PIKFYVE: variants seen among roughly 807,000 people sequenced by gnomAD.
PIKFYVE encodes the protein 1-phosphatidylinositol 3-phosphate 5-kinase.
A neutral mutation model predicts 257.9 loss-of-function variants in PIKFYVE; 122 were observed. The observed-to-expected ratio is 0.47, with a 90% confidence interval of 0.41 to 0.55. PIKFYVE has a LOEUF of 0.55. Ranked by LOEUF, PIKFYVE falls within the 20% of genes least tolerant of loss-of-function variation. PIKFYVE has a pLI of 0.00. For synonymous variants in PIKFYVE, 892 were observed against 868.9 expected, an observed-to-expected ratio of 1.03 and a Z score of -0.47; for missense variants, 2,160 against 2,536.6, an observed-to-expected ratio of 0.85 and a Z score of 3.19.
Position 208,285,788 on chromosome 2 carries a change from A to G in PIKFYVE, c.676A>G (p.Ser226Gly). 5.0e-6 allele frequency: 8 copies of G among 1,614,068 alleles called. No homozygotes were observed. Among genetic ancestry groups the G allele is most frequent in the Non-Finnish European group, 6.8e-6 (8 of 1,179,968 alleles). The change falls in exon 6 of 42, where the codon AGT becomes GGT. Residue 226 changes from serine (S) to glycine (G), a missense_variant. Ser to Gly is a moderately conservative substitution (Grantham distance 56, BLOSUM62 0). Coordinates refer to ENST00000264380, the MANE Select transcript of PIKFYVE (RefSeq NM_015040.4). ...CTTAAGTTATGCTCATTCCACAGACAGTAATTCTATTGGGGAAGACTTGAA... is the reference window on the plus strand; with the variant it reads ...CTTAAGTTATGCTCATTCCACAGACGGTAATTCTATTGGGGAAGACTTGAA... ...IALSYAHSTDSNSIGEDLNAL... is the reference protein window; with the variant it reads ...IALSYAHSTDGNSIGEDLNAL...
At chr2:208,268,336 C>T (rs1232286565) in intron 1 of PIKFYVE, among the ~76,000 whole-genome samples, 1 of 151,500 alleles carries the variant, frequency 6.6e-6, no homozygotes, top group African/African-American at 2.4e-5. Context: ...ATCTCTGCCT[C>T]TGACATTACT....
rs187269892 is a variant in PIKFYVE at position 208,337,382 on chromosome 2, A to T, written c.4611+454A>T. 2.0e-5 allele frequency among the ~76,000 whole-genome samples: 3 copies of T among 152,254 alleles called. No individual in the cohort carries two copies. In the East Asian group the frequency reaches 5.8e-4, roughly 29 times the overall value. Reference sequence around the variant, plus strand: ...GTTTTCTCTTGCTCAGTGACAGATTATCCCAAACATAGTGGCCAAAACCAC... The same window carrying T: ...GTTTTCTCTTGCTCAGTGACAGATTTTCCCAAACATAGTGGCCAAAACCAC... On this transcript the variant is annotated intron_variant, in intron 28 of 41. Transcript: ENST00000264380.
chr2:208,339,311 A>G (rs1221048662), intron 29 of PIKFYVE, 107 bp from the exon 30 acceptor site: 3 of 1,352,356 alleles, frequency 2.2e-6, no homozygotes, highest in Admixed American at 1.7e-5. Context: ...AAAAGTAAAA[A>G]TTCTACCTTT....
intron 12 of PIKFYVE, among the ~76,000 whole-genome samples, chr2:208,307,822 A>C (rs919131163): frequency 6.6e-6 from 1 of 151,752 alleles, no homozygotes; most frequent in Non-Finnish European, 1.5e-5. Flanking sequence ...AAGACATTTA[A>C]TGATCTCTCA....
chr2:208,336,177 A>G lies in PIKFYVE; in HGVS notation c.4497A>G (p.Glu1499=). 1 of 1,614,088 alleles carries G rather than the reference A, an allele frequency of 6.2e-7. No individual in the cohort carries two copies. Among genetic ancestry groups the G allele is most frequent in the Non-Finnish European group, 8.5e-7 (1 of 1,179,960 alleles). The change falls in exon 27 of 42, where the codon GAA becomes GAG. Residue 1499 remains glutamate (E), a synonymous_variant. Coordinates refer to ENST00000264380, the MANE Select transcript of PIKFYVE (RefSeq NM_015040.4). ...TTGCCAAGAAACAAAGTCTCTGTGA[A>G]GTGCTGCAAGCTTGGAATAACAGGT... ...SLIAKKQSLC[E]VLQAWNNRLQ... is the part of the protein sequence containing the mutation.
intron 5 of PIKFYVE, among the ~76,000 whole-genome samples, 199 bp from the exon 6 acceptor site, chr2:208,285,527 G>A (rs1193019365): frequency 2.0e-5 from 3 of 151,494 alleles, no homozygotes; most frequent in Non-Finnish European, 4.4e-5. Context: ...AATTCAAAAT[G>A]GCCCTTAAAT....
At chr2:208,355,036 A>G (rs1204013055) in intron 41 of PIKFYVE, among the ~76,000 whole-genome samples, 154 bp from the exon 42 acceptor site, 1 of 152,240 alleles carries the variant, frequency 6.6e-6, no homozygotes, top group Admixed American at 6.5e-5. Flanking sequence ...GTCCCATGGC[A>G]TGTGGCACAA....
chr2:208,317,948 T>C lies in PIKFYVE; in HGVS notation c.2082+7T>C, dbSNP rs1280927941. The C allele has an allele frequency of 2.5e-6, 4 of 1,611,992 alleles. No homozygotes were observed. In the African/African-American group the frequency reaches 4.0e-5, roughly 16 times the overall value. On this transcript the variant is annotated splice_region_variant and intron_variant, in intron 16 of 41. Coordinates refer to ENST00000264380, the MANE Select transcript of PIKFYVE (RefSeq NM_015040.4). ...GAACATTGCACATAAAAAGGTAATG[T>C]GATTCAGTTCAGCAGTGAAGTTCAG...
rs780932309 is a variant in PIKFYVE at position 208,315,206 on chromosome 2, A to G, written c.1840A>G (p.Asn614Asp). 4.3e-6 allele frequency: 7 copies of G among 1,613,794 alleles called. No individual in the cohort carries two copies. Among genetic ancestry groups the G allele is most frequent in the Non-Finnish European group, 5.9e-6 (7 of 1,179,696 alleles). The change falls in exon 15 of 42, where the codon AAC (asparagine) becomes GAC (aspartate). Residue 614 changes from asparagine to aspartate, a missense_variant. Around this residue, in one of 12 missense-constraint regions of PIKFYVE, gnomAD observed 346 missense variants for 365.6 expected, o/e 0.95. Coordinates refer to ENST00000264380, the MANE Select transcript of PIKFYVE (RefSeq NM_015040.4). ...AMERLLSANH[N>D]HMMALLQQLL... Reference sequence around the variant, plus strand: ...ATATTTTTGTAGTTCAGCTAATCATAACCACATGATGGCACTACTCCAGCA... The same window carrying G: ...ATATTTTTGTAGTTCAGCTAATCATGACCACATGATGGCACTACTCCAGCA...
At chr2:208,318,950 CAAA>C (rs57665157) in intron 16 of PIKFYVE, among the ~76,000 whole-genome samples, 223 of 108,360 alleles carry the variant, frequency 2.1e-3, no homozygotes, top group African/African-American at 7.4e-3. Flanking sequence ...GACTCCGTCT[CAAA>C]AAAAAAAAAA....
intron 1 of PIKFYVE, among the ~76,000 whole-genome samples, chr2:208,267,502 G>GTTTTT (rs376773052): frequency 0.037 from 4,021 of 108,896 alleles, 426 homozygotes; most frequent in African/African-American, 0.096. Context: ...TACATTGCCA[G>GTTTTT]TTTTTTTTTT....
rs769897274 is a variant in PIKFYVE at position 208,350,058 on chromosome 2, A to G, written c.5409A>G (p.Gln1803=). Residue 1803 remains glutamine, a synonymous_variant, in exon 36 of 42, where the codon CAA becomes CAG. Transcript: ENST00000264380. ...EVDGGDTQKK[Q]LINPHVELQF... ...ATGGAGGAGATACACAAAAGAAGCA[A>G]CTCATAAATCCTCATGTGGAACTTC... is the stretch of plus-strand genomic sequence containing the variant. The G allele has an allele frequency of 3.4e-5, 55 of 1,612,146 alleles. No homozygotes were observed. In the South Asian group the frequency reaches 6.0e-4, roughly 18 times the overall value.
chr2:208,342,725 A>G, intron 32 of PIKFYVE, 76 bp downstream of exon 32: 3 of 1,197,952 alleles, frequency 2.5e-6, no homozygotes, highest in Non-Finnish European at 3.7e-6. Flanking sequence ...TATTTTTGGA[A>G]TCTTTCACAT....
chr2:208,350,062 A>G lies in PIKFYVE; in HGVS notation c.5413A>G (p.Ile1805Val). 6.2e-7 allele frequency: 1 copy of G among 1,612,354 alleles called. No individual in the cohort carries two copies. Among genetic ancestry groups the G allele is most frequent in the African/African-American group, 1.3e-5 (1 of 75,014 alleles). ...DGGDTQKKQL[I>V]NPHVELQFSD... ...AGGAGATACACAAAAGAAGCAACTC[A>G]TAAATCCTCATGTGGAACTTCGTAA... The change falls in exon 36 of 42, where the codon ATA (isoleucine) becomes GTA (valine). Residue 1805 changes from isoleucine (I) to valine (V), a missense_variant. Coordinates refer to ENST00000264380, the MANE Select transcript of PIKFYVE (RefSeq NM_015040.4).
chr2:208,347,772 C>A, intron 34 of PIKFYVE, 87 bp from the exon 35 acceptor site: 2 of 1,178,696 alleles, frequency 1.7e-6, no homozygotes, highest in Non-Finnish European at 1.2e-6. Context: ...ATAGTGGTTA[C>A]AACTAACAAA....
intron 34 of PIKFYVE, among the ~76,000 whole-genome samples, chr2:208,347,385 G>C (rs1276630265): frequency 2.0e-5 from 3 of 151,968 alleles, no homozygotes; most frequent in Non-Finnish European, 4.4e-5. Context: ...ATATTTTCCT[G>C]TGTTAAACTG....
chr2:208,341,716 T>G (rs1190176145), intron 31 of PIKFYVE, among the ~76,000 whole-genome samples: 1 of 152,130 alleles, frequency 6.6e-6, no homozygotes, highest in African/African-American at 2.4e-5. Flanking sequence ...ATGAGGACAC[T>G]AATCCCATTC....
chr2:208,274,322 CA>C (rs1269911710), intron 3 of PIKFYVE, among the ~76,000 whole-genome samples: 4 of 152,104 alleles, frequency 2.6e-5, no homozygotes, highest in Non-Finnish European at 5.9e-5. Flanking sequence ...GGATTGGTGT[CA>C]GAATTGAGAG....
Position 208,356,109 on chromosome 2 carries a change from A to G in PIKFYVE, c.*804A>G, listed in dbSNP as rs190087579. 5 of 152,350 alleles carry G rather than the reference A, an allele frequency of 3.3e-5. No individual in the cohort carries two copies. The East Asian group carries it at 9.6e-4, about 29-fold the overall frequency. 9.4% of individuals were successfully genotyped at this position (152,350 alleles called of 1,614,324 possible). A position where few individuals can be genotyped will look rare whatever the true frequency, so the allele number is the denominator to read the frequency against. On this transcript the variant is annotated 3_prime_UTR_variant, in exon 42 of 42. Transcript: ENST00000264380. Reference sequence around the variant, plus strand: ...TTTTAGGGTATCATAGTAAATCATTAGTAAATGAGTCTGTAGTTACTAAAC... The same window carrying G: ...TTTTAGGGTATCATAGTAAATCATTGGTAAATGAGTCTGTAGTTACTAAAC...
Sources: allele counts gnomAD v4.1 joint callset (sites outside exome capture counted in the v4.1 genomes callset), GRCh38; gene constraint gnomAD v4.1.1; regional missense constraint gnomAD v4.1.1; transcripts MANE v1.5; gene names NCBI Gene and HGNC (gene_info 2026-07-23, HGNC 2026-07-21).